Variants in ERI1 observed in about 807,000 individuals in gnomAD.
ERI1 encodes the protein exoribonuclease 1.
Under a neutral mutation model 39.7 loss-of-function variants are expected in ERI1, and 39 were observed. That is an observed-to-expected ratio of 0.98 (90% CI 0.76 to 1.28). The LOEUF (loss-of-function observed/expected upper bound fraction) is 1.28. ERI1 is among the 50% of genes most tolerant of loss of function. ERI1 has a pLI of 0.00. For missense variants in ERI1, 581 were observed against 416.9 expected (o/e 1.39, Z -3.43); for synonymous variants, 204 against 149.6 (o/e 1.36, Z -2.65).
chr8:9,069,986 C>T (rs908698908), intron 3 of ERI1, among the ~76,000 whole-genome samples: 10 of 152,064 alleles, frequency 6.6e-5, no homozygotes, highest in Non-Finnish European at 1.2e-4. Context: ...TACCTGTAAT[C>T]CCAGCACTTT....
intron 6 of ERI1, among the ~76,000 whole-genome samples, chr8:9,023,842 A>G (rs1340619519): frequency 8.7e-6 from 1 of 115,124 alleles, no homozygotes; most frequent in African/African-American, 3.4e-5. Flanking sequence ...TCTGTCTCCC[A>G]AGCTGGAGTG....
At chr8:9,046,978 G>C (rs1396074062) in intron 3 of ERI1, among the ~76,000 whole-genome samples, 1 of 152,156 alleles carries the variant, frequency 6.6e-6, no homozygotes, top group African/African-American at 2.4e-5. Flanking sequence ...TGTGAACTGG[G>C]CTGAGATTTT....
intron 3 of ERI1, among the ~76,000 whole-genome samples, chr8:9,094,408 G>A (rs901175462): frequency 6.6e-6 from 1 of 152,084 alleles, no homozygotes; most frequent in Admixed American, 6.5e-5. Context: ...CTCTGCAATT[G>A]CTGCAAGGGC....
At chr8:9,051,658 A>G (rs530716898) in intron 3 of ERI1, among the ~76,000 whole-genome samples, 690 of 63,808 alleles carry the variant, frequency 0.011, 4 homozygotes, top group Non-Finnish European at 0.018. Flanking sequence ...ACCCTGTCTC[A>G]AAAAAAAAAA....
intron 5 of ERI1, 66 bp downstream of exon 5, chr8:9,018,472 C>A: frequency 2.2e-6 from 2 of 918,912 alleles, no homozygotes; most frequent in Admixed American, 2.4e-5. Context: ...CCTTATTTAT[C>A]TGATTTTTAG....
intron 3 of ERI1, among the ~76,000 whole-genome samples, chr8:9,058,269 C>T (rs534365211): frequency 1.3e-5 from 2 of 152,254 alleles, no homozygotes; most frequent in Non-Finnish European, 1.5e-5. Context: ...AGTGAATGTG[C>T]GCTGAGAGAA....
chr8:9,023,551 C>A (rs1199448490), intron 6 of ERI1, among the ~76,000 whole-genome samples: 2 of 151,912 alleles, frequency 1.3e-5, no homozygotes, highest in Non-Finnish European at 2.9e-5. Flanking sequence ...TCTCTTTGTG[C>A]ACCTGTTTAT....
downstream of ERI1, among the ~76,000 whole-genome samples, chr8:9,034,442 C>T (rs1797775911): frequency 6.6e-6 from 1 of 152,190 alleles, no homozygotes; most frequent in African/African-American, 2.4e-5. Context: ...AGCATACTTT[C>T]ACTTCATGTC....
chr8:9,078,260 GAA>G (rs1024189111), intron 3 of ERI1, among the ~76,000 whole-genome samples: 2 of 151,962 alleles, frequency 1.3e-5, no homozygotes, highest in African/African-American at 2.4e-5. Context: ...AAAATGCTGG[GAA>G]TACAAGTGTG....
chr8:9,022,685 C>G (rs1258006850), intron 6 of ERI1, among the ~76,000 whole-genome samples: 1 of 152,216 alleles, frequency 6.6e-6, no homozygotes, highest in Non-Finnish European at 1.5e-5. Context: ...TAGGCGTGAG[C>G]CACTGCACCT....
chr8:9,045,235 CA>C (rs5889258), intron 3 of ERI1, among the ~76,000 whole-genome samples: 43,677 of 74,872 alleles, frequency 0.58, 10,863 homozygotes, highest in Admixed American at 0.67. Flanking sequence ...GACTCTGTCT[CA>C]AAAAAAAAAA....
In ERI1 at chr8:9,045,125, A is replaced by G. The variant is rs1316625835; in HGVS notation, n.299+24661A>G. ...GTGGCGGGCACCTGTAGTCCCAGCT[A>G]CTCTGGAGGCTGAGGCAGGAGAATG... On this transcript the variant is annotated intron_variant and non_coding_transcript_variant, in intron 3 of 3. Coordinates refer to the ERI1 transcript ENST00000518663. Among the ~76,000 whole-genome samples, 6 of 149,820 alleles carry G rather than the reference A, an allele frequency of 4.0e-5. No homozygotes were observed. The East Asian group carries it at 9.9e-4, about 25-fold the overall frequency.
Position 9,002,945 on chromosome 8 carries a change from G to C in ERI1, c.-119G>C. Reference sequence around the variant, plus strand: ...GGCCGCTGGAGTTTGTGTGGCCGCCGCCGCGGGAACGCGAGCCCGGTAATT... The same window carrying C: ...GGCCGCTGGAGTTTGTGTGGCCGCCCCCGCGGGAACGCGAGCCCGGTAATT... On this transcript the variant is annotated 5_prime_UTR_variant, in exon 1 of 7. Transcript: ENST00000250263. 3 of 732,138 alleles carry C rather than the reference G, an allele frequency of 4.1e-6. No homozygotes were observed. The highest frequency in any genetic ancestry group is 5.7e-6 in the Non-Finnish European group (3 of 530,550). 45.4% of individuals were successfully genotyped at this position (732,138 alleles called of 1,614,324 possible). A position where few individuals can be genotyped will look rare whatever the true frequency, so the allele number is the denominator to read the frequency against.
intron 3 of ERI1, among the ~76,000 whole-genome samples, chr8:9,056,956 C>T (rs539746570): frequency 1.3e-5 from 2 of 152,140 alleles, no homozygotes; most frequent in South Asian, 4.2e-4. Context: ...ACCTCAGCCT[C>T]CCGAGTAGCT....
At chr8:9,063,379 G>C (rs892323621) in intron 3 of ERI1, among the ~76,000 whole-genome samples, 19 of 152,130 alleles carry the variant, frequency 1.2e-4, no homozygotes, top group African/African-American at 4.6e-4. Flanking sequence ...CTTTTTAAGA[G>C]GAAATTGCTG....
At chr8:9,067,944 A>ACACC (rs1491121701) in intron 3 of ERI1, among the ~76,000 whole-genome samples, 2 of 151,850 alleles carry the variant, frequency 1.3e-5, no homozygotes, top group Non-Finnish European at 2.9e-5. Flanking sequence ...ACACACACAC[A>ACACC]TATATGTATA....
Position 9,031,710 on chromosome 8 carries a change from G to T in ERI1, c.*1676G>T, listed in dbSNP as rs2117312858. On this transcript the variant is annotated 3_prime_UTR_variant, in exon 7 of 7. Transcript: ENST00000250263. ...CGCCAAGTACCAACAAGCTCATGTTGTATTTCTTTTTAAGAACTTCAACAT... is the reference window on the plus strand; with the variant it reads ...CGCCAAGTACCAACAAGCTCATGTTTTATTTCTTTTTAAGAACTTCAACAT... The T allele has an allele frequency of 6.6e-6, 1 of 152,210 alleles. No homozygotes were observed. Among genetic ancestry groups the T allele is most frequent in the East Asian group, 1.9e-4 (1 of 5,182 alleles). 9.4% of individuals were successfully genotyped at this position (152,210 alleles called of 1,614,324 possible).
intron 3 of ERI1, among the ~76,000 whole-genome samples, chr8:9,052,577 G>A (rs1798393224): frequency 6.6e-6 from 1 of 152,144 alleles, no homozygotes; most frequent in Non-Finnish European, 1.5e-5. Context: ...CACGTATGAA[G>A]GGACATCTTT....
At chr8:9,047,016 C>T (rs1379186648) in intron 3 of ERI1, among the ~76,000 whole-genome samples, 1 of 152,132 alleles carries the variant, frequency 6.6e-6, no homozygotes, top group Admixed American at 6.5e-5. Flanking sequence ...TAGCATATGG[C>T]AGAAACAATC....
Sources: gnomAD v4.1 joint callset for allele counts (sites outside exome capture counted in the v4.1 genomes callset) on GRCh38, gnomAD v4.1.1 for gene constraint, MANE v1.5 for transcripts, NCBI Gene and HGNC (gene_info 2026-07-23, HGNC 2026-07-21) for gene names.